Variants in SNX29 observed in about 807,000 individuals in gnomAD.
The protein encoded by SNX29 is sorting nexin 29, also known as sorting nexin-29.
Under a neutral mutation model 102.1 loss-of-function variants are expected in SNX29, and 78 were observed. The observed-to-expected ratio is 0.76, with a 90% CI of 0.64 to 0.92. The LOEUF (loss-of-function observed/expected upper bound fraction) is 0.92, where lower values mean the gene tolerates loss of function less well. SNX29 is among the 40% of genes least tolerant of loss of function. SNX29 has a pLI of 0.00. For synonymous variants in SNX29, 580 were observed against 414.5 expected, an observed-to-expected ratio of 1.40 and a Z score of -4.85; for missense variants, 1,280 against 1,061.7, an observed-to-expected ratio of 1.21 and a Z score of -2.86.
At chr16:12,238,628 A>AT (rs1210754305) in intron 14 of SNX29, among the ~76,000 whole-genome samples, 12 of 152,158 alleles carry the variant, frequency 7.9e-5, no homozygotes, top group African/African-American at 1.9e-4. Context: ...CCGGCCTTGA[A>AT]TAGGTACTTG....
intron 20 of SNX29, among the ~76,000 whole-genome samples, chr16:12,542,279 T>C (rs900228650): frequency 2.0e-5 from 3 of 151,452 alleles, no homozygotes; most frequent in Non-Finnish European, 3.0e-5. Flanking sequence ...CATGGAGAAA[T>C]GGAGGAACTT....
chr16:12,184,670 C>A (rs2076470364), intron 13 of SNX29, among the ~76,000 whole-genome samples: 1 of 152,178 alleles, frequency 6.6e-6, no homozygotes, highest in South Asian at 2.1e-4. Flanking sequence ...ATTGTCTTGG[C>A]TCTCTTGAGT....
At chr16:12,340,036 A>T (rs1476848527) in intron 15 of SNX29, among the ~76,000 whole-genome samples, 1 of 152,248 alleles carries the variant, frequency 6.6e-6, no homozygotes, top group African/African-American at 2.4e-5. Flanking sequence ...AGGGTCACTG[A>T]AAAAGGGTCT....
At chr16:12,319,797 C>T (rs966802545) in intron 15 of SNX29, among the ~76,000 whole-genome samples, 1 of 152,138 alleles carries the variant, frequency 6.6e-6, no homozygotes, top group African/African-American at 2.4e-5. Context: ...ATCACTGCAG[C>T]TTTGTTAACT....
chr16:12,465,040 GTCT>G (rs943912775), intron 18 of SNX29, among the ~76,000 whole-genome samples: 21 of 152,276 alleles, frequency 1.4e-4, no homozygotes, highest in African/African-American at 5.1e-4. Flanking sequence ...GGCTATGTGT[GTCT>G]TCTTTGGAAA....
At chr16:12,014,732 CAA>C (rs201224471) in intron 3 of SNX29, among the ~76,000 whole-genome samples, 4 of 72,100 alleles carry the variant, frequency 5.5e-5, no homozygotes, top group East Asian at 5.5e-4. Flanking sequence ...AGCTCCGTCT[CAA>C]AAAAAAAAAA....
chr16:12,401,608 C>G (rs1490563810), intron 17 of SNX29, among the ~76,000 whole-genome samples: 1 of 152,120 alleles, frequency 6.6e-6, no homozygotes, highest in Non-Finnish European at 1.5e-5. Flanking sequence ...AGATGATCCA[C>G]CTTCCTCAGC....
At position 12,309,126 on chromosome 16, in the gene SNX29, C is replaced by T. The variant is rs115580258; in HGVS notation, c.1782+31090C>T. Among the ~76,000 whole-genome samples, 197 of 152,234 alleles carry T rather than the reference C, an allele frequency of 1.3e-3. 1 individual carries two copies. The highest frequency in any genetic ancestry group is 4.4e-3 in the African/African-American group (181 of 41,528). On this transcript the variant is annotated intron_variant, in intron 15 of 20. Transcript: ENST00000566228. ...TCGGAGTTATTTGGGGGTTCTGCAACCCTGCTGTGATTTCTATATACAGCA... is the reference window on the plus strand; with the variant it reads ...TCGGAGTTATTTGGGGGTTCTGCAATCCTGCTGTGATTTCTATATACAGCA...
At chr16:12,542,229 G>C (rs1382191546) in intron 20 of SNX29, among the ~76,000 whole-genome samples, 2 of 151,372 alleles carry the variant, frequency 1.3e-5, no homozygotes, top group African/African-American at 4.8e-5. Flanking sequence ...CAGAGGGATA[G>C]GACCTAGTGT....
intron 16 of SNX29, among the ~76,000 whole-genome samples, chr16:12,388,148 A>G (rs982247052): frequency 6.6e-5 from 10 of 152,042 alleles, no homozygotes; most frequent in Non-Finnish European, 1.5e-5. Flanking sequence ...TTCGGAGGAG[A>G]TGAGCCCGAA....
chr16:12,545,008 G>A (rs1196338963), intron 20 of SNX29, among the ~76,000 whole-genome samples: 3 of 152,210 alleles, frequency 2.0e-5, no homozygotes, highest in Non-Finnish European at 4.4e-5. Flanking sequence ...CAGCTAGGAA[G>A]CAGCAGATGT....
chr16:12,268,639 C>A (rs187954661), intron 14 of SNX29, among the ~76,000 whole-genome samples: 109 of 152,266 alleles, frequency 7.2e-4, no homozygotes, highest in Admixed American at 1.0e-3. Flanking sequence ...GAACCTTGCC[C>A]GTTGTTATGG....
Position 12,048,535 on chromosome 16 carries a change from C to G in SNX29, c.663C>G (p.Ile221Met), listed in dbSNP as rs765151931. The change falls in exon 7 of 21, where the codon ATC becomes ATG. Residue 221 changes from isoleucine to methionine, a missense_variant. Coordinates refer to ENST00000566228, the MANE Select transcript of SNX29 (RefSeq NM_032167.5). ...GAGTGAGCAGCCTGTTCAGGGAGAT[C>G]ACAGCCTCCTCTGCCGTCTCCATCC... ...TQGVSSLFRE[I>M]TASSAVSILI... 4 of 1,613,956 alleles carry G rather than the reference C, an allele frequency of 2.5e-6. No individual in the cohort carries two copies. Among genetic ancestry groups the G allele is most frequent in the Non-Finnish European group, 3.4e-6 (4 of 1,179,878 alleles).
chr16:12,451,751 C>T (rs925073428), intron 18 of SNX29, among the ~76,000 whole-genome samples: 1 of 152,170 alleles, frequency 6.6e-6, no homozygotes, highest in Non-Finnish European at 1.5e-5. Context: ...GTAGTCCCAG[C>T]TACTAGGGAG....
At chr16:12,031,678 G>A (rs1454249246) in intron 4 of SNX29, among the ~76,000 whole-genome samples, 1 of 151,992 alleles carries the variant, frequency 6.6e-6, no homozygotes. Flanking sequence ...GGTGGCAGGT[G>A]CCTATAGTCC....
Position 12,129,675 on chromosome 16 carries a change from G to A in SNX29, c.1512G>A (p.Ala504=), listed in dbSNP as rs367917590. The change falls in exon 13 of 21, where the codon GCG becomes GCA. Residue 504 remains alanine (A), a synonymous_variant. Transcript: ENST00000566228. ...LLDGEMEHSA[A]LRQEVDTLKR... ...ACGGTGAGATGGAGCACTCAGCCGC[G>A]CTCCGGCAAGAGGTGGACACCTTGA... 180 of 1,611,152 alleles carry A rather than the reference G, an allele frequency of 1.1e-4. 1 individual carries two copies. Among genetic ancestry groups the A allele is most frequent in the Non-Finnish European group, 1.4e-4 (160 of 1,179,572 alleles).
chr16:12,550,982 C>G (rs558783651), intron 20 of SNX29, among the ~76,000 whole-genome samples: 3 of 152,128 alleles, frequency 2.0e-5, no homozygotes, highest in East Asian at 1.9e-4. Flanking sequence ...CAACAAAAAG[C>G]TGTTTCTCAA....
At chr16:12,343,387 C>T (rs914550333) in intron 15 of SNX29, among the ~76,000 whole-genome samples, 1 of 152,244 alleles carries the variant, frequency 6.6e-6, no homozygotes, top group African/African-American at 2.4e-5. Context: ...TAAAGAGAAG[C>T]TGCCCCAGGC....
chr16:12,026,261 C>T (rs2057188774), intron 3 of SNX29, among the ~76,000 whole-genome samples: 1 of 152,198 alleles, frequency 6.6e-6, no homozygotes. Context: ...CCCATCGCCA[C>T]CTGCCATCTC....
Sources: allele counts gnomAD v4.1 joint callset (sites outside exome capture counted in the v4.1 genomes callset), GRCh38; gene constraint gnomAD v4.1.1; transcripts MANE v1.5; gene names NCBI Gene and HGNC (gene_info 2026-07-23, HGNC 2026-07-21).